KAZN: variants seen among roughly 807,000 people sequenced by gnomAD.
The protein encoded by KAZN is kazrin, periplakin interacting protein, also known as kazrin.
In KAZN, 40 loss-of-function variants were observed where a neutral mutation model predicts 87.4. The ratio of observed to expected loss-of-function variants is 0.46; its 90% CI spans 0.36 to 0.60. The LOEUF (loss-of-function observed/expected upper bound fraction) is 0.60, where lower values mean the gene tolerates loss of function less well. Ranked by LOEUF, KAZN falls within the 20% of genes least tolerant of loss-of-function variation. The probability of loss-of-function intolerance (pLI) is 0.00; values close to 1 mark genes in which losing one functional copy is unlikely to be tolerated. For missense variants in KAZN, 898 were observed against 1,073.9 expected (o/e 0.84, Z 2.29); for synonymous variants, 466 against 458.3 (o/e 1.02, Z -0.22).
intron 2 of KAZN, among the ~76,000 whole-genome samples, chr1:14,592,072 C>T (rs903480236): frequency 2.6e-5 from 4 of 152,144 alleles, no homozygotes; most frequent in Admixed American, 2.0e-4. Flanking sequence ...GAGCCTTGGC[C>T]GCTCCTGTCT....
chr1:14,490,749 A>T (rs1278737678), intron 2 of KAZN, among the ~76,000 whole-genome samples: 1 of 152,188 alleles, frequency 6.6e-6, no homozygotes, highest in Non-Finnish European at 1.5e-5. Flanking sequence ...TTTAGTATGA[A>T]ATGTTTGCAT....
chr1:14,416,175 G>A (rs1229452228), intron 2 of KAZN, among the ~76,000 whole-genome samples: 1 of 152,142 alleles, frequency 6.6e-6, no homozygotes, highest in African/African-American at 2.4e-5. Context: ...GCCTCATTCA[G>A]GGATTCCCTG....
chr1:14,684,324 C>G (rs912011392), intron 1 of KAZN, among the ~76,000 whole-genome samples: 2 of 152,170 alleles, frequency 1.3e-5, no homozygotes, highest in Non-Finnish European at 2.9e-5. Flanking sequence ...GATCCCAGCT[C>G]CACCACTCAT....
rs117180342 is a variant in KAZN, at chr1:14,091,525, A to G, written c.92-88910A>G. On this transcript the variant is annotated intron_variant, in intron 1 of 16. Transcript: ENST00000636203. ...TCCATCATGGTCAGAAGTAGAAGTC[A>G]TGTCTATTAATTTTATTTGCATAGC... Among the ~76,000 whole-genome samples the G allele has an allele frequency of 6.5e-3, 994 of 152,330 alleles. 10 individuals are homozygous for G. In the South Asian group the frequency reaches 0.066, roughly 10 times the overall value.
chr1:14,359,740 C>A (rs966816682), intron 2 of KAZN, among the ~76,000 whole-genome samples: 1 of 152,182 alleles, frequency 6.6e-6, no homozygotes, highest in South Asian at 2.1e-4. Flanking sequence ...AATATCTTTT[C>A]TTTAAGAATG....
rs1418369225 is a variant in KAZN at position 15,094,868 on chromosome 1, C to T, written c.1482C>T (p.Ser494=). Residue 494 remains serine (S), a synonymous_variant, in exon 10 of 15, where the codon AGC becomes AGT. Coordinates refer to ENST00000376030, the MANE Select transcript of KAZN (RefSeq NM_201628.3). The surrounding 1 kb of genome is among the most constrained non-coding windows in gnomAD (Gnocchi z 4.5). ...EDLQLGLGVC[S]SLHRRKLRLA... ...TGCAGCTGGGCCTTGGGGTGTGCAGCTCCCTGCACCGGCGCAAGCTGCGCC... is the reference window on the plus strand; with the variant it reads ...TGCAGCTGGGCCTTGGGGTGTGCAGTTCCCTGCACCGGCGCAAGCTGCGCC... 1.3e-6 allele frequency: 2 copies of T among 1,550,706 alleles called. No individual in the cohort carries two copies. Among genetic ancestry groups the T allele is most frequent in the Middle Eastern group, 1.7e-4 (1 of 5,934 alleles).
chr1:13,945,879 C>T (rs1013461475), intron 1 of KAZN, among the ~76,000 whole-genome samples: 3 of 152,204 alleles, frequency 2.0e-5, no homozygotes, highest in African/African-American at 4.8e-5. Flanking sequence ...TCAGAACATC[C>T]GAGATGGCTC....
At chr1:14,597,526 G>A (rs1392372373), upstream of KAZN, among the ~76,000 whole-genome samples, 1 of 152,116 alleles carries the variant, frequency 6.6e-6, no homozygotes, top group Non-Finnish European at 1.5e-5. Context: ...TCCCTAAAAT[G>A]GGAATAATAA....
At position 14,615,398 on chromosome 1, in the gene KAZN, C is replaced by T. The variant is rs144673991; in HGVS notation, c.226+16175C>T. On this transcript the variant is annotated intron_variant, in intron 1 of 14. Coordinates refer to ENST00000376030, the MANE Select transcript of KAZN (RefSeq NM_201628.3). Reference sequence around the variant, plus strand: ...ATCCTAGTACTTTGGGAGGCCAAGGCGGGCAGATTATTTCAAGCCAGGAGT... The same window carrying T: ...ATCCTAGTACTTTGGGAGGCCAAGGTGGGCAGATTATTTCAAGCCAGGAGT... Among the ~76,000 whole-genome samples the T allele has an allele frequency of 5.7e-3, 865 of 152,228 alleles. 10 individuals are homozygous for T. The highest frequency in any genetic ancestry group is 0.019 in the African/African-American group (800 of 41,534).
chr1:14,948,928 G>A (rs976897428), intron 1 of KAZN, among the ~76,000 whole-genome samples: 2 of 152,038 alleles, frequency 1.3e-5, no homozygotes, highest in African/African-American at 2.4e-5. Flanking sequence ...AGGCTGAGGC[G>A]AGCAGATCAC....
intron 8 of KAZN, among the ~76,000 whole-genome samples, chr1:15,069,028 GAAAAAA>G (rs34706869): frequency 6.8e-6 from 1 of 146,632 alleles, no homozygotes; most frequent in South Asian, 2.2e-4. Context: ...ACACCTTAGG[GAAAAAA>G]AAAAATACTC....
At chr1:14,007,883 G>A (rs1294167014) in intron 1 of KAZN, among the ~76,000 whole-genome samples, 1 of 152,148 alleles carries the variant, frequency 6.6e-6, no homozygotes, top group Non-Finnish European at 1.5e-5. Flanking sequence ...CAGGATTCAA[G>A]CGTCCTAGGT....
intron 2 of KAZN, among the ~76,000 whole-genome samples, chr1:14,298,429 A>G (rs1277834908): frequency 1.3e-5 from 2 of 152,216 alleles, no homozygotes; most frequent in Non-Finnish European, 2.9e-5. Flanking sequence ...ATGGAGAAAG[A>G]AGATATTCAT....
intron 1 of KAZN, among the ~76,000 whole-genome samples, chr1:14,681,611 G>GTATATATATATATATA (rs1430490499): frequency 3.0e-5 from 1 of 33,872 alleles, no homozygotes; most frequent in African/African-American, 9.6e-5. Flanking sequence ...ATATGTATAT[G>GTATATATATATATATA]TGTATATATA....
chr1:14,848,977 A>T (rs560528194), intron 1 of KAZN, among the ~76,000 whole-genome samples: 10 of 152,184 alleles, frequency 6.6e-5, no homozygotes, highest in Non-Finnish European at 1.2e-4. Flanking sequence ...TCCAGGAAGC[A>T]GGGACCAGGG....
At chr1:14,224,317 T>A (rs1647186153) in intron 2 of KAZN, among the ~76,000 whole-genome samples, 1 of 152,120 alleles carries the variant, frequency 6.6e-6, no homozygotes, top group Admixed American at 6.6e-5. Flanking sequence ...GAGTAGAACA[T>A]GTCAGGAACA....
chr1:14,944,366 G>C (rs548330222), intron 1 of KAZN, among the ~76,000 whole-genome samples: 1 of 152,260 alleles, frequency 6.6e-6, no homozygotes, highest in Non-Finnish European at 1.5e-5. Flanking sequence ...GTCCTGAAAG[G>C]TTGTGGCCTG....
chr1:14,646,615 G>C lies in KAZN; in HGVS notation c.226+47392G>C, dbSNP rs188213649. Among the ~76,000 whole-genome samples, 4 of 152,168 alleles carry C rather than the reference G, an allele frequency of 2.6e-5. No homozygotes were observed. The East Asian group carries it at 7.7e-4, about 29-fold the overall frequency. On this transcript the variant is annotated intron_variant, in intron 1 of 14. Coordinates refer to ENST00000376030, the MANE Select transcript of KAZN (RefSeq NM_201628.3). The stretch of plus-strand genomic sequence containing the variant: ...CTATTGTGGGGCTGTCCTATGCCTT[G>C]TAGGGGGCTTATAGCATCCCTGGCC...
chr1:14,005,407 T>C (rs1167409912), intron 1 of KAZN, among the ~76,000 whole-genome samples: 1 of 152,186 alleles, frequency 6.6e-6, no homozygotes, highest in Non-Finnish European at 1.5e-5. Flanking sequence ...TTCTACCTTG[T>C]ATAACCAGGT....
Sources: allele counts gnomAD v4.1 joint callset (sites outside exome capture counted in the v4.1 genomes callset), GRCh38; gene constraint gnomAD v4.1.1; non-coding constraint Gnocchi (gnomAD v3.1); transcripts MANE v1.5; gene names NCBI Gene and HGNC (gene_info 2026-07-23, HGNC 2026-07-21).